The following NDRG2 variants were observed in gnomAD, a reference collection of about 807,000 sequenced individuals.
The protein encoded by NDRG2 is NDRG family member 2.
In NDRG2, 34 loss-of-function variants were observed where a neutral mutation model predicts 58.2. The observed-to-expected ratio is 0.58, with a 90% CI of 0.44 to 0.78. NDRG2 has a LOEUF of 0.78. NDRG2 is among the 30% of genes least tolerant of loss of function. NDRG2 has a pLI of 0.00. For synonymous variants in NDRG2, 187 were observed against 175.9 expected, an observed-to-expected ratio of 1.06 and a Z score of -0.50; for missense variants, 434 against 471.2, an observed-to-expected ratio of 0.92 and a Z score of 0.73.
intron 1 of NDRG2, among the ~76,000 whole-genome samples, chr14:21,066,737 G>A (rs1317950838): frequency 1.3e-5 from 2 of 152,242 alleles, no homozygotes; most frequent in Non-Finnish European, 2.9e-5. Flanking sequence ...TAATGTGCTA[G>A]CACAGGCAAG....
chr14:21,045,547 C>T (rs2139120193), intron 1 of NDRG2, among the ~76,000 whole-genome samples: 1 of 152,324 alleles, frequency 6.6e-6, no homozygotes, highest in Middle Eastern at 3.4e-3. Flanking sequence ...AAGCAAGATA[C>T]TTGGGGCAGC....
Position 21,070,354 on chromosome 14 carries a change from C to A in NDRG2, c.24+474G>T. On this transcript the variant is annotated intron_variant, in intron 1 of 14. Coordinates refer to the NDRG2 transcript ENST00000403829. The surrounding 1 kb of genome is among the most constrained non-coding windows in gnomAD (Gnocchi z 4.7). ...GAGGGAGGCGGTGGCGCGCCCGGCC[C>A]CGCCCGCCCGACCAAGCGTCGGACG... is the stretch of plus-strand genomic sequence containing the variant. The A allele has an allele frequency of 7.1e-7, 1 of 1,408,626 alleles. No homozygotes were observed. The highest frequency in any genetic ancestry group is 1.5e-5 in the South Asian group (1 of 66,400). The allele number at this position is 1,408,626 out of a possible 1,614,324, so 87.3% of individuals were successfully genotyped here. A position where few individuals can be genotyped will look rare whatever the true frequency, so the allele number is the denominator to read the frequency against.
chr14:21,026,454 GC>G (rs946462088), upstream of NDRG2, among the ~76,000 whole-genome samples: 2 of 149,768 alleles, frequency 1.3e-5, no homozygotes, highest in African/African-American at 4.9e-5. Flanking sequence ...AGCACCGACT[GC>G]CCCCCCAAGA....
chr14:21,032,140 G>C lies in NDRG2; in HGVS notation c.25-8819C>G, dbSNP rs1884245129. The stretch of plus-strand genomic sequence containing the variant: ...TGCATGTTTAACACCAGGGAGCTTG[G>C]AAAACAATAAACATCTGTGTGTGCA... On this transcript the variant is annotated intron_variant, in intron 1 of 14. Transcript: ENST00000403829. 2.0e-6 allele frequency: 3 copies of C among 1,537,864 alleles called. No homozygotes were observed. The Admixed American group carries it at 5.1e-5, about 26-fold the overall frequency.
chr14:21,048,001 T>C (rs1885277675), intron 1 of NDRG2, among the ~76,000 whole-genome samples: 1 of 152,176 alleles, frequency 6.6e-6, no homozygotes, highest in Non-Finnish European at 1.5e-5. Context: ...GCCCTCTTCA[T>C]AGTGTCTGGG....
chr14:21,019,110 T>A lies in NDRG2; in HGVS notation c.761+6A>T. On this transcript the variant is annotated splice_donor_region_variant and intron_variant, in intron 11 of 15. Transcript: ENST00000556147. Reference sequence around the variant, plus strand: ...ACAGGCAATGCATTATCTCTTAAAGTCTTACCTGAGGGTGATATCACCTCC... The same window carrying A: ...ACAGGCAATGCATTATCTCTTAAAGACTTACCTGAGGGTGATATCACCTCC... 1 of 1,608,848 alleles carries A rather than the reference T, an allele frequency of 6.2e-7. No homozygotes were observed. Among genetic ancestry groups the A allele is most frequent in the Non-Finnish European group, 8.5e-7 (1 of 1,178,154 alleles).
chr14:21,018,061 G>A (rs1238130213), intron 14 of NDRG2, 23 bp from the exon 15 acceptor site: 4 of 1,611,494 alleles, frequency 2.5e-6, no homozygotes, highest in East Asian at 2.2e-5. Flanking sequence ...GAAGAGGCGA[G>A]GGAGACGGTG....
rs531565136 is a variant in NDRG2 at position 21,033,219 on chromosome 14, C to G, written c.25-9898G>C. ...TCCTAGGCTCCATGGTAAGAGGAAG[C>G]AGGAGAGGACAGTTATATGAAGGGA... On this transcript the variant is annotated intron_variant, in intron 1 of 14. Transcript: ENST00000403829. The G allele has an allele frequency of 2.0e-3, 680 of 340,828 alleles. 2 individuals are homozygous for G. Among genetic ancestry groups the G allele is most frequent in the African/African-American group, 0.014 (633 of 45,888 alleles). The allele number at this position is 340,828 out of a possible 1,614,324, so 21.1% of individuals were successfully genotyped here.
chr14:21,020,439 T>C (rs1566460369), intron 8 of NDRG2, 57 bp downstream of exon 8: 2 of 1,290,416 alleles, frequency 1.5e-6, no homozygotes, highest in Non-Finnish European at 2.2e-6. Flanking sequence ...AGAGCCTAAC[T>C]GGATCCATAC....
chr14:21,032,490 A>T (rs1566488656), intron 1 of NDRG2: 3 of 364,146 alleles, frequency 8.2e-6, no homozygotes, highest in African/African-American at 2.1e-5. Flanking sequence ...ACTATATCAC[A>T]TATTAGATCC....
intron 1 of NDRG2, chr14:21,033,985 G>C (rs533949543): frequency 8.1e-6 from 13 of 1,613,968 alleles, no homozygotes; most frequent in Non-Finnish European, 1.1e-5. Context: ...TCCTGGGTGA[G>C]TGTGCAGTAT....
intron 1 of NDRG2, chr14:21,043,602 C>A (rs979208814): frequency 4.6e-6 from 3 of 652,556 alleles, no homozygotes; most frequent in Non-Finnish European, 8.1e-6. Flanking sequence ...GAGGCTGAAG[C>A]TGACACTCTG....
chr14:21,036,214 C>T (rs755118991), intron 1 of NDRG2: 1 of 456,336 alleles, frequency 2.2e-6, no homozygotes. Flanking sequence ...CTCGCCTGGA[C>T]AGCACACACA....
intron 1 of NDRG2, among the ~76,000 whole-genome samples, chr14:21,063,724 T>G (rs917191435): frequency 6.6e-6 from 1 of 152,198 alleles, no homozygotes; most frequent in Non-Finnish European, 1.5e-5. Context: ...ACAGGTTATG[T>G]CTTAATAAAT....
chr14:21,058,356 A>C, intron 1 of NDRG2: 1 of 1,599,764 alleles, frequency 6.3e-7, no homozygotes, highest in Non-Finnish European at 8.5e-7. Context: ...AAAGTTGTCT[A>C]AGCCCTGGTG....
At position 21,024,897 on chromosome 14, in the gene NDRG2, A is replaced by G. The variant is rs1250031999; in HGVS notation, c.-874T>C. 4 of 985,418 alleles carry G rather than the reference A, an allele frequency of 4.1e-6. No individual in the cohort carries two copies. The African/African-American group carries it at 7.0e-5, about 17-fold the overall frequency. The allele number at this position is 985,418 out of a possible 1,614,324, so 61.0% of individuals were successfully genotyped here. ...GGAGCCTCAGCCTTTGTGCGCAGCA[A>G]CCGAGCGCCCGCTCCGTGCTGGCCC... On this transcript the variant is annotated 5_prime_UTR_variant, in exon 1 of 16. Coordinates refer to ENST00000556147, the MANE Select transcript of NDRG2 (RefSeq NM_001320329.2).
chr14:21,018,711 A>T (rs956831340), intron 12 of NDRG2, 52 bp downstream of exon 12: 9 of 1,611,400 alleles, frequency 5.6e-6, no homozygotes, highest in Non-Finnish European at 6.8e-6. Context: ...TCTGACCACC[A>T]CTTTAGGACC....
At chr14:21,050,148 C>T (rs74036567) in intron 1 of NDRG2, among the ~76,000 whole-genome samples, 2,401 of 152,288 alleles carry the variant, frequency 0.016, 66 homozygotes, top group African/African-American at 0.055. Context: ...GGATTTGAGA[C>T]AAAAGCATGT....
At chr14:21,065,993 G>A (rs1055287272) in intron 1 of NDRG2, among the ~76,000 whole-genome samples, 1 of 152,136 alleles carries the variant, frequency 6.6e-6, no homozygotes, top group Non-Finnish European at 1.5e-5. Context: ...CAACTACTTG[G>A]GAAGCTGAGG....
Sources: allele counts gnomAD v4.1 joint callset (sites outside exome capture counted in the v4.1 genomes callset), GRCh38; gene constraint gnomAD v4.1.1; non-coding constraint Gnocchi (gnomAD v3.1); transcripts MANE v1.5; gene names NCBI Gene and HGNC (gene_info 2026-07-23, HGNC 2026-07-21).